The following GRM1 variants were observed in gnomAD, a reference collection of about 807,000 sequenced individuals.
GRM1 encodes metabotropic glutamate receptor 1.
Under a neutral mutation model 90.9 loss-of-function variants are expected in GRM1, and 33 were observed. The observed-to-expected ratio is 0.36, with a 90% confidence interval of 0.28 to 0.49. GRM1 has a LOEUF of 0.49. Ranked by LOEUF, GRM1 falls within the 20% of genes least tolerant of loss-of-function variation. The pLI, the probability that GRM1 is intolerant of heterozygous loss-of-function variation, is 0.99. For synonymous variants in GRM1, 700 were observed against 613.2 expected (o/e 1.14, Z -2.09); for missense variants, 1,190 against 1,534.3 (o/e 0.78, Z 3.75).
Position 146,434,838 on chromosome 6 carries a change from C to T in GRM1, c.*42C>T. 2 of 1,494,144 alleles carry T rather than the reference C, an allele frequency of 1.3e-6. No homozygotes were observed. The highest frequency in any genetic ancestry group is 1.1e-5 in the South Asian group (1 of 88,974). 92.6% of individuals were successfully genotyped at this position (1,494,144 alleles called of 1,614,324 possible). ...TAGAAAAGCAAGACAAGCCAGAGAT[C>T]TCCCACACCTCCAGAGATGTGCAAA... On this transcript the variant is annotated 3_prime_UTR_variant, in exon 8 of 8. Transcript: ENST00000282753.
intron 5 of GRM1, among the ~76,000 whole-genome samples, chr6:146,367,452 T>A (rs1775734788): frequency 6.6e-6 from 1 of 152,098 alleles, no homozygotes; most frequent in South Asian, 2.1e-4. Flanking sequence ...TATTTTAGCT[T>A]CCCAGAGGGT....
chr6:146,378,066 T>C (rs780449354), intron 5 of GRM1, among the ~76,000 whole-genome samples: 1 of 152,100 alleles, frequency 6.6e-6, no homozygotes, highest in Non-Finnish European at 1.5e-5. Context: ...TGTGGGTGCA[T>C]GGAAGAGTTG....
At chr6:146,255,848 C>T (rs1781459266) in intron 2 of GRM1, among the ~76,000 whole-genome samples, 1 of 152,112 alleles carries the variant, frequency 6.6e-6, no homozygotes, top group Admixed American at 6.6e-5. Context: ...TTCATACTAT[C>T]CACTCATTCC....
chr6:146,159,393 C>A lies in GRM1; in HGVS notation c.746C>A (p.Ala249Asp). 1 of 1,614,098 alleles carries A rather than the reference C, an allele frequency of 6.2e-7. No individual in the cohort carries two copies. Among genetic ancestry groups the A allele is most frequent in the South Asian group, 1.1e-5 (1 of 91,082 alleles). Residue 249 changes from alanine (A) to aspartate (D), a missense_variant, in exon 2 of 8, where the codon GCC (alanine) becomes GAC (aspartate). Transcript: ENST00000282753. The part of the protein sequence containing the change: ...SGMDAFKELA[A>D]QEGLCIAHSD... Reference sequence around the variant, plus strand: ...ATGGACGCTTTCAAAGAGCTGGCTGCCCAGGAAGGCCTCTGTATCGCCCAT... The same window carrying A: ...ATGGACGCTTTCAAAGAGCTGGCTGACCAGGAAGGCCTCTGTATCGCCCAT...
chr6:146,353,367 C>T (rs371229020), intron 4 of GRM1, among the ~76,000 whole-genome samples: 1 of 152,180 alleles, frequency 6.6e-6, no homozygotes, highest in Non-Finnish European at 1.5e-5. Context: ...TGTCAGTCTA[C>T]GATGTCCCAG....
chr6:146,167,404 T>C (rs1777947216), intron 2 of GRM1, among the ~76,000 whole-genome samples: 1 of 152,118 alleles, frequency 6.6e-6, no homozygotes, highest in South Asian at 2.1e-4. Context: ...AGGAACTATC[T>C]AGGGGTGAGA....
At chr6:146,136,371 G>T (rs1376471793) in intron 1 of GRM1, among the ~76,000 whole-genome samples, 1 of 152,162 alleles carries the variant, frequency 6.6e-6, no homozygotes, top group Non-Finnish European at 1.5e-5. Context: ...TCTCCATAGT[G>T]ATTGTACTAA....
chr6:146,127,813 A>G (rs1776252008), intron 1 of GRM1, among the ~76,000 whole-genome samples: 1 of 152,070 alleles, frequency 6.6e-6, no homozygotes, highest in African/African-American at 2.4e-5. Context: ...GTAACAAATC[A>G]CTCCCAAATT....
chr6:146,238,811 T>C (rs769730574), intron 2 of GRM1, among the ~76,000 whole-genome samples: 3 of 152,102 alleles, frequency 2.0e-5, no homozygotes, highest in African/African-American at 7.2e-5. Context: ...ACAGGAAATA[T>C]GCATTTAACA....
At chr6:146,396,677 T>C (rs1275872850) in intron 6 of GRM1, among the ~76,000 whole-genome samples, 1 of 152,088 alleles carries the variant, frequency 6.6e-6, no homozygotes, top group Non-Finnish European at 1.5e-5. Flanking sequence ...AAAATAAGAC[T>C]TTGTGTATGT....
chr6:146,227,915 C>T (rs1330338951), intron 2 of GRM1, among the ~76,000 whole-genome samples: 1 of 152,052 alleles, frequency 6.6e-6, no homozygotes, highest in Non-Finnish European at 1.5e-5. Flanking sequence ...TTTTAGAGGG[C>T]ATTATTATGA....
intron 1 of GRM1, among the ~76,000 whole-genome samples, chr6:146,072,151 T>C (rs2128858955): frequency 6.6e-6 from 1 of 152,328 alleles, no homozygotes; most frequent in Middle Eastern, 3.4e-3. Flanking sequence ...GTTGCTCTGG[T>C]TGATAATCTG....
At position 146,187,501 on chromosome 6, in the gene GRM1, A is replaced by G. The variant is rs551560098; in HGVS notation, c.950+27904A>G. 4.6e-5 allele frequency among the ~76,000 whole-genome samples: 7 copies of G among 152,186 alleles called. No individual in the cohort carries two copies. In the East Asian group the frequency reaches 1.4e-3, roughly 29 times the overall value. On this transcript the variant is annotated intron_variant, in intron 2 of 7. Coordinates refer to ENST00000282753, the MANE Select transcript of GRM1 (RefSeq NM_001278064.2). The stretch of plus-strand genomic sequence containing the variant: ...GAGAGGTATGCATTAAGGCACATTT[A>G]TAAAGATGTCATTTAAGTGTCTTAG...
At chr6:146,354,204 T>G (rs1251318792) in intron 4 of GRM1, among the ~76,000 whole-genome samples, 1 of 152,184 alleles carries the variant, frequency 6.6e-6, no homozygotes, top group African/African-American at 2.4e-5. Flanking sequence ...GTGAGGTAGA[T>G]GGAATGATTC....
At chr6:146,038,333 G>T (rs1790967227) in intron 1 of GRM1, among the ~76,000 whole-genome samples, 4 of 151,886 alleles carry the variant, frequency 2.6e-5, no homozygotes, top group African/African-American at 7.2e-5. Context: ...CCAGAGATCT[G>T]GAATAGGATT....
At chr6:146,265,905 T>C (rs1450075186) in intron 2 of GRM1, among the ~76,000 whole-genome samples, 2 of 152,178 alleles carry the variant, frequency 1.3e-5, no homozygotes, top group Non-Finnish European at 2.9e-5. Context: ...AAATACATAT[T>C]AGAGGCTGGG....
chr6:146,267,731 G>A (rs965997097), intron 2 of GRM1, among the ~76,000 whole-genome samples: 1 of 149,730 alleles, frequency 6.7e-6, no homozygotes, highest in Non-Finnish European at 1.5e-5. Context: ...GTCTCGTCTC[G>A]TCTCGTCTCG....
chr6:146,157,474 A>G (rs1434840728), intron 1 of GRM1, among the ~76,000 whole-genome samples: 3 of 152,234 alleles, frequency 2.0e-5, no homozygotes, highest in Admixed American at 2.0e-4. Flanking sequence ...TATCAATTAG[A>G]AGTCAACTAA....
At chr6:146,261,364 C>T (rs1024440439) in intron 2 of GRM1, among the ~76,000 whole-genome samples, 3 of 151,924 alleles carry the variant, frequency 2.0e-5, no homozygotes, top group Middle Eastern at 3.2e-3. Flanking sequence ...GGAACCTGGT[C>T]GAGGAGTTGT....
Sources: allele counts gnomAD v4.1 joint callset (sites outside exome capture counted in the v4.1 genomes callset), GRCh38; gene constraint gnomAD v4.1.1; transcripts MANE v1.5; gene names NCBI Gene and HGNC (gene_info 2026-07-23, HGNC 2026-07-21).